CDH18: variants seen among roughly 807,000 people sequenced by gnomAD.
The protein encoded by CDH18 is cadherin 18, also known as cadherin-18.
Under a neutral mutation model 67.9 loss-of-function variants are expected in CDH18, and 31 were observed. The ratio of observed to expected loss-of-function variants is 0.46; its 90% CI spans 0.34 to 0.62. The LOEUF (loss-of-function observed/expected upper bound fraction) is 0.62, where lower values mean the gene tolerates loss of function less well. Among genes scored for constraint, CDH18 ranks in the 20% least tolerant of loss-of-function variants. The probability of loss-of-function intolerance (pLI) is 0.01; values close to 1 mark genes in which losing one functional copy is unlikely to be tolerated. For synonymous variants in CDH18, 362 were observed against 347.2 expected (o/e 1.04, Z -0.48); for missense variants, 890 against 975.5 (o/e 0.91, Z 1.17).
At chr5:20,222,828 C>T (rs1741336893) in intron 2 of CDH18, among the ~76,000 whole-genome samples, 1 of 151,948 alleles carries the variant, frequency 6.6e-6, no homozygotes, top group Admixed American at 6.6e-5. Context: ...TTTAAATAGC[C>T]TGATTTCCTC....
chr5:19,745,640 G>A (rs1027774575), intron 4 of CDH18, among the ~76,000 whole-genome samples: 18 of 152,090 alleles, frequency 1.2e-4, no homozygotes, highest in African/African-American at 3.4e-4. Flanking sequence ...ATTCTCCCTC[G>A]ACTCTCCTTG....
At chr5:19,941,010 A>C in intron 2 of CDH18, among the ~76,000 whole-genome samples, 1 of 152,144 alleles carries the variant, frequency 6.6e-6, no homozygotes, top group East Asian at 1.9e-4. Flanking sequence ...CAGAGAGAGT[A>C]AAGTCTTTAA....
chr5:20,177,588 T>A (rs116094853), intron 2 of CDH18, among the ~76,000 whole-genome samples: 1,685 of 152,196 alleles, frequency 0.011, 31 homozygotes, highest in African/African-American at 0.038. Context: ...TCTAGGTGTG[T>A]CTGTGAGGGT....
At chr5:19,757,322 C>G (rs572219546) in intron 3 of CDH18, among the ~76,000 whole-genome samples, 12 of 152,172 alleles carry the variant, frequency 7.9e-5, no homozygotes, top group Non-Finnish European at 1.6e-4. Context: ...ATATAATCAA[C>G]CTGTCATCAG....
chr5:20,426,567 A>G (rs1748318508), intron 1 of CDH18, among the ~76,000 whole-genome samples: 1 of 151,100 alleles, frequency 6.6e-6, no homozygotes, highest in African/African-American at 2.5e-5. Flanking sequence ...TCACACACAT[A>G]CATATATGAA....
At chr5:19,644,047 T>C (rs1266979270) in intron 5 of CDH18, among the ~76,000 whole-genome samples, 1 of 152,132 alleles carries the variant, frequency 6.6e-6, no homozygotes, top group East Asian at 1.9e-4. Flanking sequence ...TGAGGAACAA[T>C]TAACTAGTTA....
At chr5:20,279,699 CAA>C (rs1189257278) in intron 1 of CDH18, among the ~76,000 whole-genome samples, 1 of 13,594 alleles carries the variant, frequency 7.4e-5, no homozygotes, top group African/African-American at 2.6e-4. Context: ...AGCTCTGTCT[CAA>C]AAAAAAAAAA....
At chr5:20,403,126 C>T (rs773291964) in intron 1 of CDH18, among the ~76,000 whole-genome samples, 1 of 151,936 alleles carries the variant, frequency 6.6e-6, no homozygotes, top group Non-Finnish European at 1.5e-5. Context: ...GAGGTTGAAC[C>T]CATAAGAAAC....
At chr5:20,184,218 G>A (rs1305991824) in intron 2 of CDH18, among the ~76,000 whole-genome samples, 3 of 151,932 alleles carry the variant, frequency 2.0e-5, no homozygotes, top group African/African-American at 7.2e-5. Context: ...TATATTTTAA[G>A]GCACAGGCAC....
upstream of CDH18, among the ~76,000 whole-genome samples, chr5:19,990,304 A>G (rs1422420778): frequency 9.9e-5 from 15 of 152,230 alleles, no homozygotes; most frequent in Admixed American, 9.8e-4. Flanking sequence ...TGAATGAAAT[A>G]AAATGTTTGT....
chr5:19,673,400 G>A (rs1295331089), intron 5 of CDH18, among the ~76,000 whole-genome samples: 2 of 151,978 alleles, frequency 1.3e-5, no homozygotes, highest in Non-Finnish European at 2.9e-5. Context: ...GTTTGGAAAT[G>A]TTATAGTTCT....
At chr5:20,477,622 G>A (rs1461799901) in intron 1 of CDH18, among the ~76,000 whole-genome samples, 2 of 152,216 alleles carry the variant, frequency 1.3e-5, no homozygotes, top group Admixed American at 6.5e-5. Flanking sequence ...CCATCCCAGT[G>A]ATGGGAACCT....
chr5:20,312,676 C>T (rs1480755078), intron 1 of CDH18, among the ~76,000 whole-genome samples: 1 of 152,142 alleles, frequency 6.6e-6, no homozygotes, highest in African/African-American at 2.4e-5. Flanking sequence ...TGTGTGACTA[C>T]TAATCTTTTA....
intron 2 of CDH18, among the ~76,000 whole-genome samples, chr5:20,157,865 C>T (rs1047372975): frequency 1.3e-5 from 2 of 152,072 alleles, no homozygotes; most frequent in East Asian, 1.9e-4. Flanking sequence ...TGGTCTCGAT[C>T]TCCTGACCTT....
At chr5:20,069,854 G>A (rs891360234) in intron 2 of CDH18, among the ~76,000 whole-genome samples, 12 of 152,034 alleles carry the variant, frequency 7.9e-5, no homozygotes, top group Non-Finnish European at 1.0e-4. Flanking sequence ...CTCAGCAGTG[G>A]TACAATTGTT....
At chr5:20,405,783 G>T (rs539852611) in intron 1 of CDH18, among the ~76,000 whole-genome samples, 2 of 152,290 alleles carry the variant, frequency 1.3e-5, no homozygotes, top group Non-Finnish European at 2.9e-5. Context: ...GATATGAATA[G>T]ACACTTCTGA....
intron 2 of CDH18, among the ~76,000 whole-genome samples, chr5:19,918,847 G>A (rs1034876290): frequency 3.3e-5 from 5 of 152,016 alleles, no homozygotes; most frequent in Non-Finnish European, 7.4e-5. Flanking sequence ...TGATAAGCGT[G>A]TCTTTTATAA....
intron 5 of CDH18, among the ~76,000 whole-genome samples, chr5:19,637,472 C>G (rs1297874488): frequency 6.6e-6 from 1 of 152,096 alleles, no homozygotes; most frequent in Non-Finnish European, 1.5e-5. Flanking sequence ...GCAGTTACGC[C>G]TGACAAATAT....
intron 1 of CDH18, among the ~76,000 whole-genome samples, chr5:20,542,591 A>G (rs1757114597): frequency 6.6e-6 from 1 of 151,880 alleles, no homozygotes; most frequent in Admixed American, 6.6e-5. Context: ...TTATAGTTGC[A>G]TTTCTATACA....
Sources: allele counts gnomAD v4.1 joint callset (sites outside exome capture counted in the v4.1 genomes callset), GRCh38; gene constraint gnomAD v4.1.1; transcripts MANE v1.5; gene names NCBI Gene and HGNC (gene_info 2026-07-23, HGNC 2026-07-21).